Variants in MACROD2 observed in about 807,000 individuals in gnomAD.
The protein encoded by MACROD2 is ADP-ribose glycohydrolase MACROD2.
MACROD2 carries 36 observed loss-of-function variants against 70.4 expected under a neutral mutation model. The observed-to-expected ratio is 0.51, with a 90% CI of 0.39 to 0.68. The LOEUF (loss-of-function observed/expected upper bound fraction) is 0.68, where lower values mean the gene tolerates loss of function less well. Among genes scored for constraint, MACROD2 ranks in the 30% least tolerant of loss-of-function variants. MACROD2 has a pLI of 0.00. For missense variants in MACROD2, 496 were observed against 538.4 expected, an observed-to-expected ratio of 0.92 and a Z score of 0.78; for synonymous variants, 172 against 178.8, an observed-to-expected ratio of 0.96 and a Z score of 0.30.
At chr20:14,283,303 T>TCCTTTTA (rs1431037222) in intron 3 of MACROD2, among the ~76,000 whole-genome samples, 15 of 152,356 alleles carry the variant, frequency 9.8e-5, no homozygotes, top group African/African-American at 3.6e-4. Context: ...TCATGGCTTT[T>TCCTTTTA]GATTACCTGC....
At chr20:15,944,734 G>A (rs1393452137) in intron 12 of MACROD2, among the ~76,000 whole-genome samples, 5 of 151,818 alleles carry the variant, frequency 3.3e-5, no homozygotes, top group South Asian at 2.1e-4. Flanking sequence ...AATTTTTTTG[G>A]TTGTTTAATT....
In MACROD2 at chr20:14,796,446, A is replaced by G. The variant is rs567788777; in HGVS notation, c.418+111487A>G. Among the ~76,000 whole-genome samples the G allele has an allele frequency of 3.3e-5, 5 of 152,216 alleles. No homozygotes were observed. The South Asian group carries it at 1.0e-3, about 32-fold the overall frequency. ...GCAATGTTTTTTTCACTCAATGTCA[A>G]TTTAAATTACTTGAACTAAAAAGTG... On this transcript the variant is annotated intron_variant, in intron 5 of 17. Transcript: ENST00000684519.
intron 2 of MACROD2, among the ~76,000 whole-genome samples, chr20:14,044,487 G>T (rs1383084059): frequency 1.3e-5 from 2 of 152,138 alleles, no homozygotes; most frequent in Non-Finnish European, 2.9e-5. Flanking sequence ...CCCACATCCT[G>T]CTGATTGGTT....
chr20:14,978,341 C>T (rs754591038), intron 5 of MACROD2, among the ~76,000 whole-genome samples: 18 of 151,662 alleles, frequency 1.2e-4, no homozygotes, highest in Non-Finnish European at 1.8e-4. Context: ...CACAAGTATC[C>T]CTAACATAGA....
intron 2 of MACROD2, among the ~76,000 whole-genome samples, chr20:14,015,546 C>G (rs888318650): frequency 5.9e-5 from 9 of 152,206 alleles, no homozygotes; most frequent in African/African-American, 1.9e-4. Context: ...CTACTGTACT[C>G]CAGCCTGGGC....
At chr20:15,232,753 G>A (rs924856767) in intron 6 of MACROD2, among the ~76,000 whole-genome samples, 2 of 151,960 alleles carry the variant, frequency 1.3e-5, no homozygotes, top group Non-Finnish European at 2.9e-5. Context: ...TTAAACAACA[G>A]GGAAATGTCC....
intron 5 of MACROD2, among the ~76,000 whole-genome samples, chr20:15,120,416 T>C (rs755743029): frequency 2.0e-5 from 3 of 152,254 alleles, no homozygotes; most frequent in Non-Finnish European, 4.4e-5. Context: ...ACTGAACAAA[T>C]GAACAAATAC....
At chr20:15,197,044 G>T (rs1436799816) in intron 5 of MACROD2, 133 of 985,154 alleles carry the variant, frequency 1.4e-4, no homozygotes, top group Non-Finnish European at 1.5e-4. Context: ...TGAGTATTTT[G>T]CTCACTCTTA....
At chr20:15,646,222 G>A (rs2049538759) in intron 8 of MACROD2, among the ~76,000 whole-genome samples, 1 of 151,962 alleles carries the variant, frequency 6.6e-6, no homozygotes, top group Admixed American at 6.6e-5. Flanking sequence ...CAAAAACACA[G>A]GCTTATCATT....
intron 4 of MACROD2, among the ~76,000 whole-genome samples, chr20:14,596,412 C>CATAT (rs5840627): frequency 0.19 from 27,827 of 142,816 alleles, 3,084 homozygotes; most frequent in Non-Finnish European, 0.26. Flanking sequence ...ATTTTTTAAA[C>CATAT]ATATATATAT....
intron 6 of MACROD2, among the ~76,000 whole-genome samples, chr20:15,242,807 T>G (rs2077071358): frequency 6.6e-6 from 1 of 152,190 alleles, no homozygotes; most frequent in Admixed American, 6.6e-5. Flanking sequence ...CACAGCTACT[T>G]TGCCAAGTTT....
intron 5 of MACROD2, among the ~76,000 whole-genome samples, chr20:15,103,958 A>G (rs2075892473): frequency 6.6e-6 from 1 of 152,182 alleles, no homozygotes; most frequent in Non-Finnish European, 1.5e-5. Flanking sequence ...ATGGGTTACA[A>G]TCAAGACTGT....
chr20:14,938,382 A>AT (rs1189359016), intron 5 of MACROD2, among the ~76,000 whole-genome samples: 1 of 152,080 alleles, frequency 6.6e-6, no homozygotes, highest in African/African-American at 2.4e-5. Flanking sequence ...GATAACAGCC[A>AT]TTTTAACTGG....
At chr20:15,491,754 G>T (rs1049290377) in intron 7 of MACROD2, among the ~76,000 whole-genome samples, 1 of 152,196 alleles carries the variant, frequency 6.6e-6, no homozygotes, top group Non-Finnish European at 1.5e-5. Flanking sequence ...GTGAGCTCTG[G>T]CCACCAGAAG....
At chr20:15,006,422 A>C (rs965864034) in intron 5 of MACROD2, among the ~76,000 whole-genome samples, 1 of 152,060 alleles carries the variant, frequency 6.6e-6, no homozygotes, top group Non-Finnish European at 1.5e-5. Context: ...CTGGAGACCT[A>C]ATTTATAGCA....
At chr20:15,576,805 C>T (rs1270739921) in intron 8 of MACROD2, among the ~76,000 whole-genome samples, 1 of 152,178 alleles carries the variant, frequency 6.6e-6, no homozygotes, top group Admixed American at 6.5e-5. Flanking sequence ...AATCCACACT[C>T]AATAATTTCC....
intron 4 of MACROD2, among the ~76,000 whole-genome samples, chr20:14,563,433 T>TA (rs1440332718): frequency 7.2e-5 from 11 of 151,974 alleles, no homozygotes; most frequent in Non-Finnish European, 1.5e-4. Flanking sequence ...ACATATCTAT[T>TA]AGAGTGGCTA....
intron 8 of MACROD2, among the ~76,000 whole-genome samples, chr20:15,772,099 A>ATATATAT (rs1433838867): frequency 5.0e-4 from 46 of 91,250 alleles, no homozygotes; most frequent in African/African-American, 2.0e-3. Flanking sequence ...AAAAAAAAAA[A>ATATATAT]AAATATATAT....
intron 8 of MACROD2, among the ~76,000 whole-genome samples, chr20:15,500,630 T>G (rs933720382): frequency 6.6e-6 from 1 of 152,214 alleles, no homozygotes; most frequent in African/African-American, 2.4e-5. Flanking sequence ...TGTTTCATTT[T>G]CTGATGGACC....
Sources: gnomAD v4.1 joint callset for allele counts (sites outside exome capture counted in the v4.1 genomes callset) on GRCh38, gnomAD v4.1.1 for gene constraint, MANE v1.5 for transcripts, NCBI Gene and HGNC (gene_info 2026-07-23, HGNC 2026-07-21) for gene names.